The following CNTN4 variants were observed in gnomAD, a reference collection of about 807,000 sequenced individuals.
CNTN4 encodes the protein contactin-4.
In CNTN4, 77 loss-of-function variants were observed where a neutral mutation model predicts 122.5. The observed-to-expected ratio is 0.63, with a 90% confidence interval of 0.52 to 0.76. The LOEUF is 0.76. Among genes scored for constraint, CNTN4 ranks in the 30% least tolerant of loss-of-function variants. CNTN4 has a pLI of 0.00. For missense variants in CNTN4, 1,256 were observed against 1,259.1 expected (o/e 1.00, Z 0.04); for synonymous variants, 512 against 447.0 (o/e 1.15, Z -1.83).
At chr3:2,774,912 T>C (rs567556671) in intron 6 of CNTN4, among the ~76,000 whole-genome samples, 1 of 152,368 alleles carries the variant, frequency 6.6e-6, no homozygotes, top group South Asian at 2.1e-4. Context: ...TCCAGGATTC[T>C]TATGTCAATT....
chr3:2,529,511 G>T (rs1484641593), intron 3 of CNTN4, among the ~76,000 whole-genome samples: 1 of 152,134 alleles, frequency 6.6e-6, no homozygotes, highest in African/African-American at 2.4e-5. Flanking sequence ...TTTCATATTT[G>T]TATGGAGTAG....
intron 3 of CNTN4, among the ~76,000 whole-genome samples, chr3:2,520,115 T>C (rs533830238): frequency 6.6e-6 from 1 of 152,116 alleles, no homozygotes; most frequent in Admixed American, 6.6e-5. Flanking sequence ...TATATTTTGC[T>C]ATGCCTAAGT....
chr3:2,334,957 G>A (rs1384415530), intron 2 of CNTN4, among the ~76,000 whole-genome samples: 2 of 152,204 alleles, frequency 1.3e-5, no homozygotes, highest in Non-Finnish European at 2.9e-5. Flanking sequence ...GATCAGGACT[G>A]TTTGTTCCCT....
intron 2 of CNTN4, among the ~76,000 whole-genome samples, chr3:2,155,441 A>T (rs1256188683): frequency 1.3e-5 from 2 of 152,192 alleles, no homozygotes; most frequent in Non-Finnish European, 2.9e-5. Context: ...CAGATTGGGG[A>T]TAAGAACAGA....
At chr3:2,118,086 T>G (rs2033486058) in intron 2 of CNTN4, among the ~76,000 whole-genome samples, 1 of 152,206 alleles carries the variant, frequency 6.6e-6, no homozygotes, top group African/African-American at 2.4e-5. Flanking sequence ...AATTGAACAT[T>G]TATAATGTAC....
At chr3:2,176,258 A>G (rs1211843548) in intron 2 of CNTN4, among the ~76,000 whole-genome samples, 1 of 152,158 alleles carries the variant, frequency 6.6e-6, no homozygotes, top group African/African-American at 2.4e-5. Flanking sequence ...TTCACTTGAT[A>G]TACTTTCTAC....
chr3:2,741,224 T>G (rs1003824578), intron 5 of CNTN4, among the ~76,000 whole-genome samples: 20 of 152,168 alleles, frequency 1.3e-4, no homozygotes, highest in African/African-American at 4.6e-4. Context: ...TGGACGTAGT[T>G]GGAGTAGAAT....
At chr3:2,142,795 T>C (rs1354456435) in intron 2 of CNTN4, among the ~76,000 whole-genome samples, 3 of 152,218 alleles carry the variant, frequency 2.0e-5, no homozygotes, top group Non-Finnish European at 4.4e-5. Context: ...GGAGAAGGAC[T>C]TCATAGAAAC....
rs1267440878 is a variant in CNTN4 at position 3,056,768 on chromosome 3, C to G, written c.*548C>G. 6.5e-6 allele frequency: 1 copy of G among 154,794 alleles called. No homozygotes were observed. Among genetic ancestry groups the G allele is most frequent in the Non-Finnish European group, 1.4e-5 (1 of 69,492 alleles). 9.6% of individuals were successfully genotyped at this position (154,794 alleles called of 1,614,324 possible). A position where few individuals can be genotyped will look rare whatever the true frequency, so the allele number is the denominator to read the frequency against. ...AACTACTCTTCTAGTGGTTAATGCA[C>G]TTGACATGTACAGTATGTTTCCCAT... On this transcript the variant is annotated 3_prime_UTR_variant, in exon 25 of 25. Transcript: ENST00000418658.
intron 2 of CNTN4, among the ~76,000 whole-genome samples, chr3:2,192,194 G>T (rs2037602715): frequency 6.6e-6 from 1 of 152,140 alleles, no homozygotes; most frequent in African/African-American, 2.4e-5. Context: ...AAACATACGT[G>T]TGCATGTGTC....
At chr3:2,481,061 C>CTT (rs773311259) in intron 3 of CNTN4, among the ~76,000 whole-genome samples, 6,438 of 110,206 alleles carry the variant, frequency 0.058, 452 homozygotes, top group African/African-American at 0.19. Flanking sequence ...TTCTTTCTTT[C>CTT]TCTCTTTCTC....
chr3:2,427,874 T>C (rs2047902435), intron 3 of CNTN4, among the ~76,000 whole-genome samples: 1 of 151,902 alleles, frequency 6.6e-6, no homozygotes, highest in Non-Finnish European at 1.5e-5. Context: ...GTCTGTTTTA[T>C]CAGAGACTAA....
intron 3 of CNTN4, among the ~76,000 whole-genome samples, chr3:2,465,466 C>A (rs1032335182): frequency 1.3e-5 from 2 of 152,104 alleles, no homozygotes; most frequent in African/African-American, 4.8e-5. Context: ...TGCCTGAGCT[C>A]AGGAGTTCGT....
intron 7 of CNTN4, among the ~76,000 whole-genome samples, chr3:2,846,551 A>G (rs1355035042): frequency 6.6e-6 from 1 of 152,164 alleles, no homozygotes. Flanking sequence ...TTATTTCCCA[A>G]ACATATTTGT....
intron 2 of CNTN4, among the ~76,000 whole-genome samples, chr3:2,156,005 T>G (rs13324793): frequency 0.22 from 33,489 of 152,124 alleles, 3,826 homozygotes; most frequent in South Asian, 0.29. Flanking sequence ...CTCGGGTTGC[T>G]TTTTCTCTTC....
In CNTN4 at chr3:2,767,112, C is replaced by T. The variant is rs148942715; in HGVS notation, c.358+21415C>T. ...TTTATTAGATCTCAAAAAAAATATA[C>T]CAGGCTAATAAGTCATTCCATGTAA... On this transcript the variant is annotated intron_variant, in intron 6 of 24. Transcript: ENST00000418658. 6.2e-3 allele frequency among the ~76,000 whole-genome samples: 945 copies of T among 152,210 alleles called. 12 individuals are homozygous for T. The highest frequency in any genetic ancestry group is 0.021 in the African/African-American group (873 of 41,520).
chr3:2,981,913 G>A (rs932830835), intron 13 of CNTN4, among the ~76,000 whole-genome samples: 1 of 151,822 alleles, frequency 6.6e-6, no homozygotes, highest in Non-Finnish European at 1.5e-5. Flanking sequence ...AGACGTGGGG[G>A]TACATGCCTA....
At chr3:2,735,190 A>T (rs1353792065) in intron 4 of CNTN4, among the ~76,000 whole-genome samples, 1 of 152,252 alleles carries the variant, frequency 6.6e-6, no homozygotes. Context: ...ATATAGTTTT[A>T]AAATTATATT....
At chr3:2,269,539 G>T (rs951150878) in intron 2 of CNTN4, among the ~76,000 whole-genome samples, 1 of 152,038 alleles carries the variant, frequency 6.6e-6, no homozygotes, top group African/African-American at 2.4e-5. Flanking sequence ...CATTTCGGTG[G>T]CTGTAAATAC....
Sources: gnomAD v4.1 joint callset for allele counts (sites outside exome capture counted in the v4.1 genomes callset) on GRCh38, gnomAD v4.1.1 for gene constraint, MANE v1.5 for transcripts, NCBI Gene and HGNC (gene_info 2026-07-23, HGNC 2026-07-21) for gene names.